Variants in KIF12 observed in about 807,000 individuals in gnomAD.
The protein encoded by KIF12 is kinesin family member 12.
KIF12 carries 80 observed loss-of-function variants against 87.9 expected under a neutral mutation model. The ratio of observed to expected loss-of-function variants is 0.91; its 90% CI spans 0.76 to 1.10. KIF12 has a LOEUF of 1.10. Among genes scored for constraint, KIF12 ranks in the 50% least tolerant of loss-of-function variants. The pLI is 0.00. For synonymous variants in KIF12, 353 were observed against 348.5 expected, an observed-to-expected ratio of 1.01 and a Z score of -0.14; for missense variants, 819 against 865.3, an observed-to-expected ratio of 0.95 and a Z score of 0.67.
Position 114,099,282 on chromosome 9 carries a change from G to C in KIF12, c.-6C>G. 1.3e-6 allele frequency: 2 copies of C among 1,550,970 alleles called. No individual in the cohort carries two copies. The highest frequency in any genetic ancestry group is 1.2e-5 in the South Asian group (1 of 84,044). ...GGTGACCCGCGTTCTTCCATGTCCT[G>C]CTCTGCACACGGAGTTAGCTCCGCC... On this transcript the variant is annotated 5_prime_UTR_variant, in exon 1 of 19. Transcript: ENST00000640217.
intron 10 of KIF12, 25 bp downstream of exon 10, chr9:114,095,189 T>C: frequency 6.2e-7 from 1 of 1,612,340 alleles, no homozygotes; most frequent in Non-Finnish European, 8.5e-7. Context: ...GACCCAACCT[T>C]CCCTGCCAGG....
intron 16 of KIF12, 49 bp from the exon 17 acceptor site, chr9:114,092,691 C>T: frequency 1.3e-6 from 2 of 1,539,362 alleles, no homozygotes; most frequent in African/African-American, 1.4e-5. Flanking sequence ...TCCTGCCTCT[C>T]TGTGTCCCAC....
In KIF12 at chr9:114,093,287, A is replaced by C; in HGVS notation, c.1538T>G (p.Leu513Arg). The change falls in exon 16 of 19, where the codon CTG (leucine) becomes CGG (arginine). Residue 513 changes from leucine (L) to arginine (R), a missense_variant. By Grantham distance (102) the Leu-to-Arg change is moderately radical. Coordinates refer to ENST00000640217, the MANE Select transcript of KIF12 (RefSeq NM_001388308.1). Reference sequence around the variant, plus strand: ...CCAGTGGGCCAGGGGCACTCGACACAGTGGGCAGATGTGGCAGCAGGGGCA... The same window carrying C: ...CCAGTGGGCCAGGGGCACTCGACACCGTGGGCAGATGTGGCAGCAGGGGCA... Reference protein sequence around the residue: ...YSCPCCHICPLCRVPLAHWAC... With the variant: ...YSCPCCHICPRCRVPLAHWAC... 6.4e-7 allele frequency: 1 copy of C among 1,561,490 alleles called. No homozygotes were observed. The highest frequency in any genetic ancestry group is 8.7e-7 in the Non-Finnish European group (1 of 1,151,992).
chr9:114,097,741 C>T lies in KIF12; in HGVS notation c.376G>A (p.Gly126Arg). ...CTGGGGGGTACAGGCACCCCCTCCC[C>T]CTAGGGGCAAAACCAGCTGAGCCAT... ...TYTLTGPPPQ[G>R]EGVPVPPSLA... The change falls in exon 6 of 19, where the codon GGG (glycine) becomes AGG (arginine). Residue 126 changes from glycine to arginine, a missense_variant and splice_region_variant. Coordinates refer to ENST00000640217, the MANE Select transcript of KIF12 (RefSeq NM_001388308.1). 6.2e-7 allele frequency: 1 copy of T among 1,612,850 alleles called. No homozygotes were observed. The highest frequency in any genetic ancestry group is 1.1e-5 in the South Asian group (1 of 90,958).
rs1044511807 is a variant in KIF12 at position 114,094,179 on chromosome 9, A to G, written c.1313+2T>C. On this transcript the variant is annotated splice_donor_variant, in intron 13 of 18. Transcript: ENST00000640217. LOFTEE classifies it high-confidence loss of function. ...TCCCTCTGGCTGTGGGCTGTGCCCT[A>G]CCTGAGCCTCTCATTCTCTAGCATG... The G allele has an allele frequency of 1.2e-6, 2 of 1,612,924 alleles. No individual in the cohort carries two copies. Among genetic ancestry groups the G allele is most frequent in the Non-Finnish European group, 1.7e-6 (2 of 1,179,352 alleles).
In KIF12 at chr9:114,095,307, G is replaced by A. The variant is rs372931278; in HGVS notation, c.921C>T (p.Asp307=). The A allele has an allele frequency of 6.2e-7, 1 of 1,613,624 alleles. No homozygotes were observed. Residue 307 remains aspartate, a synonymous_variant, in exon 10 of 19, where the codon GAC becomes GAT. Transcript: ENST00000640217. ...GGATGTGGCTCTGCTTCCGCTGTGG[G>A]TCCAGCAGCAGGGAGATGCAGTGAC... is the stretch of plus-strand genomic sequence containing the variant. The part of the protein sequence containing the change: ...ALGHCISLLL[D]PQRKQSHIPF...
chr9:114,097,721 G>T lies in KIF12; in HGVS notation c.396C>A (p.Pro132=). The T allele has an allele frequency of 6.2e-7, 1 of 1,613,948 alleles. No homozygotes were observed. The highest frequency in any genetic ancestry group is 1.1e-5 in the South Asian group (1 of 91,072). ...PPPQGEGVPV[P]PSLAGIMQRT... is the part of the protein sequence containing the mutation. Reference sequence around the variant, plus strand: ...TCTGCATGATGCCAGCCAGGCTGGGGGGTACAGGCACCCCCTCCCCCTAGG... The same window carrying T: ...TCTGCATGATGCCAGCCAGGCTGGGTGGTACAGGCACCCCCTCCCCCTAGG... The change falls in exon 6 of 19, where the codon CCC becomes CCA. Residue 132 remains proline, a synonymous_variant. Transcript: ENST00000640217.
At chr9:114,097,469 G>T (rs1403327597) in intron 6 of KIF12, 33 bp from the exon 7 acceptor site, 1 of 1,579,258 alleles carries the variant, frequency 6.3e-7, no homozygotes, top group East Asian at 2.3e-5. Context: ...GAGGGAAGGG[G>T]ATCTTTCTGA....
rs922190114 is a variant in KIF12, at chr9:114,093,310, G to A, written c.1515C>T (p.Cys505=). ...ACAGTGGGCAGATGTGGCAGCAGGG[G>A]CAGGAGTAGAGGGGTGGCAGTGCCT... The part of the protein sequence containing the change: ...PCHALPPLYS[C]PCCHICPLCR... The change falls in exon 16 of 19, where the codon TGC becomes TGT. Residue 505 remains cysteine, a synonymous_variant. Coordinates refer to ENST00000640217, the MANE Select transcript of KIF12 (RefSeq NM_001388308.1). 3 of 1,560,498 alleles carry A rather than the reference G, an allele frequency of 1.9e-6. No homozygotes were observed. The highest frequency in any genetic ancestry group is 2.6e-6 in the Non-Finnish European group (3 of 1,151,638).
chr9:114,097,791 C>T (rs764133668), intron 5 of KIF12, 50 bp from the exon 6 acceptor site: 2 of 1,576,430 alleles, frequency 1.3e-6, no homozygotes, highest in South Asian at 2.3e-5. Context: ...TAATAACTAC[C>T]CTCTGTAGCG....
chr9:114,098,923 G>C lies in KIF12; in HGVS notation c.171+12C>G. ...ATTTTTTATTGGGGAGATAGAGAGA[G>C]GGGTTCCTCACCTGCAGAGTCCGGG... is the stretch of plus-strand genomic sequence containing the variant. On this transcript the variant is annotated intron_variant, in intron 3 of 18. Coordinates refer to ENST00000640217, the MANE Select transcript of KIF12 (RefSeq NM_001388308.1). 1.3e-6 allele frequency: 2 copies of C among 1,546,054 alleles called. No homozygotes were observed. The highest frequency in any genetic ancestry group is 1.7e-6 in the Non-Finnish European group (2 of 1,144,702).
In KIF12 at chr9:114,096,440, G is replaced by C; in HGVS notation, c.685C>G (p.Gln229Glu). 6.2e-7 allele frequency: 1 copy of C among 1,612,830 alleles called. No individual in the cohort carries two copies. The highest frequency in any genetic ancestry group is 8.5e-7 in the Non-Finnish European group (1 of 1,179,584). ...RRRNSAHTLN[Q>E]ASSRSHALLT... ...AGGGCATGGCTTCGGCTGGAGGCCT[G>C]GTTCAGGGTGTGGGCTGAGTTCCTT... Residue 229 changes from glutamine to glutamate, a missense_variant, in exon 8 of 19, where the codon CAG becomes GAG. Gln to Glu is a conservative substitution (Grantham distance 29). Coordinates refer to ENST00000640217, the MANE Select transcript of KIF12 (RefSeq NM_001388308.1).
intron 8 of KIF12, 71 bp downstream of exon 8, chr9:114,096,316 G>T: frequency 6.3e-7 from 1 of 1,595,972 alleles, no homozygotes; most frequent in Non-Finnish European, 8.6e-7. Context: ...ACCCAAGTTG[G>T]TTTATATGTC....
At position 114,097,687 on chromosome 9, in the gene KIF12, C is replaced by A. The variant is rs375497781; in HGVS notation, c.430G>T (p.Ala144Ser). 2 of 1,614,128 alleles carry A rather than the reference C, an allele frequency of 1.2e-6. No homozygotes were observed. The highest frequency in any genetic ancestry group is 1.7e-6 in the Non-Finnish European group (2 of 1,180,028). ...SLAGIMQRTF[A>S]WLLDRVQHLG... ...TGCTGCACGCGGTCCAACAGCCAGG[C>A]GAAGGTCCTCTGCATGATGCCAGCC... Residue 144 changes from alanine (A) to serine (S), a missense_variant, in exon 6 of 19, where the codon GCC becomes TCC. Coordinates refer to ENST00000640217, the MANE Select transcript of KIF12 (RefSeq NM_001388308.1).
chr9:114,095,138 C>G lies in KIF12; in HGVS notation c.1015-11G>C. On this transcript the variant is annotated splice_polypyrimidine_tract_variant and intron_variant, in intron 10 of 18. Coordinates refer to ENST00000640217, the MANE Select transcript of KIF12 (RefSeq NM_001388308.1). ...GGACACGCAGGCCACCTGGGGAGTG[C>G]ACTCCCCCTGAGCGCTCCTCTCTGA... is the stretch of plus-strand genomic sequence containing the variant. 5 of 1,605,638 alleles carry G rather than the reference C, an allele frequency of 3.1e-6. No homozygotes were observed. The highest frequency in any genetic ancestry group is 3.4e-6 in the Non-Finnish European group (4 of 1,175,916).
At position 114,097,442 on chromosome 9, in the gene KIF12, A is replaced by AG; in HGVS notation, c.511-7dup. 1.3e-6 allele frequency: 2 copies of AG among 1,586,496 alleles called. No homozygotes were observed. Among genetic ancestry groups the AG allele is most frequent in the Non-Finnish European group, 1.7e-6 (2 of 1,167,918 alleles). Reference sequence around the variant, plus strand: ...AGGCTCAGCAAGTCCCGAACCTGGGAGGGGAGGGAGGAGGGTGAGGGAAGG... The same window carrying AG: ...AGGCTCAGCAAGTCCCGAACCTGGGAGGGGGAGGGAGGAGGGTGAGGGAAGG... On this transcript the variant is annotated splice_region_variant and splice_polypyrimidine_tract_variant and intron_variant, in intron 6 of 18. Transcript: ENST00000640217.
Position 114,091,703 on chromosome 9 carries a change from C to G in KIF12, c.*158G>C, listed in dbSNP as rs1847004218. ...TGCTGCCTGGTTTCTCCTGAATCCC[C>G]TTGTTCCCCTAAATAGCACCCCCAG... On this transcript the variant is annotated 3_prime_UTR_variant, in exon 19 of 19. Coordinates refer to ENST00000640217, the MANE Select transcript of KIF12 (RefSeq NM_001388308.1). The G allele has an allele frequency of 1.5e-6, 1 of 662,326 alleles. No individual in the cohort carries two copies. Among genetic ancestry groups the G allele is most frequent in the African/African-American group, 1.8e-5 (1 of 54,312 alleles). The allele number at this position is 662,326 out of a possible 1,614,324, so 41.0% of individuals were successfully genotyped here. A position where few individuals can be genotyped will look rare whatever the true frequency, so the allele number is the denominator to read the frequency against.
rs768941572 is a variant in KIF12, at chr9:114,097,724, T to A, written c.393A>T (p.Val131=). ...GCATGATGCCAGCCAGGCTGGGGGG[T>A]ACAGGCACCCCCTCCCCCTAGGGGC... The part of the protein sequence containing the change: ...GPPPQGEGVP[V]PPSLAGIMQR... The change falls in exon 6 of 19, where the codon GTA becomes GTT. Residue 131 remains valine, a synonymous_variant. Transcript: ENST00000640217. 1 of 1,613,430 alleles carries A rather than the reference T, an allele frequency of 6.2e-7. No homozygotes were observed.
intron 9 of KIF12, among the ~76,000 whole-genome samples, chr9:114,095,764 A>G (rs771504899): frequency 2.2e-4 from 34 of 151,866 alleles, no homozygotes; most frequent in Non-Finnish European, 4.6e-4. Context: ...CACAAGGGAC[A>G]TGCCAAATGT....
Sources: allele counts gnomAD v4.1 joint callset (sites outside exome capture counted in the v4.1 genomes callset), GRCh38; gene constraint gnomAD v4.1.1; transcripts MANE v1.5; gene names NCBI Gene and HGNC (gene_info 2026-07-23, HGNC 2026-07-21).